SLC9A8: variants seen among roughly 807,000 people sequenced by gnomAD.
The protein encoded by SLC9A8 is solute carrier family 9 member A8, also known as sodium/hydrogen exchanger 8.
Under a neutral mutation model 66.6 loss-of-function variants are expected in SLC9A8, and 48 were observed. The ratio of observed to expected loss-of-function variants is 0.72; its 90% CI spans 0.57 to 0.92. SLC9A8 has a LOEUF of 0.92. SLC9A8 is among the 40% of genes least tolerant of loss of function. The pLI is 0.00. For missense variants in SLC9A8, 599 were observed against 747.3 expected, an observed-to-expected ratio of 0.80 and a Z score of 2.31; for synonymous variants, 274 against 282.6, an observed-to-expected ratio of 0.97 and a Z score of 0.31.
At chr20:49,853,526 G>A (rs1310077440) in intron 7 of SLC9A8, among the ~76,000 whole-genome samples, 5 of 152,240 alleles carry the variant, frequency 3.3e-5, no homozygotes, top group African/African-American at 1.2e-4. Flanking sequence ...AAATAAAAGA[G>A]CGACCAGAAG....
intron 4 of SLC9A8, 24 bp from the exon 5 acceptor site, chr20:49,845,012 A>C (rs758822274): frequency 3.9e-6 from 6 of 1,535,192 alleles, no homozygotes; most frequent in Non-Finnish European, 5.4e-6. Flanking sequence ...CCATGCCCTT[A>C]AGATACTCAT....
intron 3 of SLC9A8, chr20:49,830,751 A>C: frequency 4.0e-6 from 3 of 757,610 alleles, no homozygotes; most frequent in Non-Finnish European, 7.0e-6. Context: ...GATTGTAAAC[A>C]TAGTCCAAGG....
intron 5 of SLC9A8, among the ~76,000 whole-genome samples, chr20:49,848,665 T>C (rs2088113815): frequency 6.6e-6 from 1 of 152,244 alleles, no homozygotes; most frequent in South Asian, 2.1e-4. Context: ...TGAACTTGAA[T>C]ATTTTATCTT....
intron 3 of SLC9A8, chr20:49,831,116 A>C: frequency 3.5e-6 from 2 of 573,690 alleles, no homozygotes; most frequent in East Asian, 3.3e-5. Context: ...CAGCCCTCTA[A>C]TCTCTCCGCT....
At chr20:49,821,874 T>G (rs1271019614) in intron 2 of SLC9A8, among the ~76,000 whole-genome samples, 1 of 152,150 alleles carries the variant, frequency 6.6e-6, no homozygotes, top group Non-Finnish European at 1.5e-5. Flanking sequence ...AAGTTAGACA[T>G]TATTCTGTTT....
chr20:49,853,924 C>T (rs2088356536), intron 7 of SLC9A8, among the ~76,000 whole-genome samples: 1 of 152,228 alleles, frequency 6.6e-6, no homozygotes, highest in African/African-American at 2.4e-5. Context: ...CTGTACCTGG[C>T]AAGGCAGCCA....
At chr20:49,828,703 G>T (rs1410006414) in intron 3 of SLC9A8, among the ~76,000 whole-genome samples, 1 of 151,734 alleles carries the variant, frequency 6.6e-6, no homozygotes, top group Non-Finnish European at 1.5e-5. Context: ...CCCAAGCATG[G>T]TGGCATATAT....
intron 3 of SLC9A8, chr20:49,830,473 G>T: frequency 1.2e-6 from 1 of 806,338 alleles, no homozygotes. Flanking sequence ...ATGCTGCAAG[G>T]GATCTGCCCT....
chr20:49,840,766 T>C (rs916009761), intron 4 of SLC9A8, among the ~76,000 whole-genome samples: 1 of 152,120 alleles, frequency 6.6e-6, no homozygotes, highest in African/African-American at 2.4e-5. Flanking sequence ...AGGCTGGATA[T>C]AGCCTGATGT....
chr20:49,863,263 T>C (rs897334031), intron 9 of SLC9A8, among the ~76,000 whole-genome samples, 196 bp downstream of exon 9: 2 of 152,250 alleles, frequency 1.3e-5, no homozygotes, highest in African/African-American at 4.8e-5. Flanking sequence ...ATTTAGGATG[T>C]CACTTTTCAA....
At chr20:49,845,819 T>C (rs1471341078) in intron 5 of SLC9A8, among the ~76,000 whole-genome samples, 2 of 152,004 alleles carry the variant, frequency 1.3e-5, no homozygotes, top group African/African-American at 4.8e-5. Flanking sequence ...CAACTCCCAG[T>C]GTGAGATGTT....
chr20:49,834,301 A>G (rs6125783), intron 3 of SLC9A8, among the ~76,000 whole-genome samples: 2 of 137,264 alleles, frequency 1.5e-5, no homozygotes, highest in African/African-American at 5.4e-5. Context: ...TACACACACT[A>G]TATATACAGT....
chr20:49,862,281 A>G (rs968153517), intron 8 of SLC9A8, among the ~76,000 whole-genome samples: 27 of 150,786 alleles, frequency 1.8e-4, no homozygotes, highest in Middle Eastern at 3.4e-3. Flanking sequence ...TATTTTTTTG[A>G]GACAGAGTCT....
intron 12 of SLC9A8, among the ~76,000 whole-genome samples, chr20:49,880,445 G>C (rs1019991947): frequency 6.6e-6 from 1 of 152,110 alleles, no homozygotes; most frequent in African/African-American, 2.4e-5. Flanking sequence ...GTGTTTCCAT[G>C]CATGGGAGGT....
chr20:49,857,697 G>A (rs749683123), intron 8 of SLC9A8, among the ~76,000 whole-genome samples: 7 of 152,160 alleles, frequency 4.6e-5, no homozygotes, highest in African/African-American at 1.2e-4. Flanking sequence ...CAGCCCGGGC[G>A]TCAGAGTGAG....
intron 13 of SLC9A8, among the ~76,000 whole-genome samples, 162 bp from the exon 14 acceptor site, chr20:49,883,684 C>T (rs1255624589): frequency 6.6e-6 from 1 of 152,194 alleles, no homozygotes; most frequent in Non-Finnish European, 1.5e-5. Flanking sequence ...GCCACCTGCT[C>T]TTTACACCCC....
intron 3 of SLC9A8, among the ~76,000 whole-genome samples, chr20:49,834,185 C>CTATATATATATATA (rs377091649): frequency 2.9e-5 from 1 of 34,542 alleles, no homozygotes; most frequent in African/African-American, 1.1e-4. Context: ...CTCTCTCTCT[C>CTATATATATATATA]TATATATATA....
chr20:49,812,953 G>C lies in SLC9A8; in HGVS notation c.26+5G>C, dbSNP rs1209670199. ...GGAGAAGATGGCGGAAGAGGAGTGA[G>C]TGGGCTTTTTCCCGGGCGGCGGAGG... On this transcript the variant is annotated splice_donor_5th_base_variant and intron_variant, in intron 1 of 15. Transcript: ENST00000361573. The C allele has an allele frequency of 7.0e-7, 1 of 1,429,978 alleles. No individual in the cohort carries two copies. Among genetic ancestry groups the C allele is most frequent in the South Asian group, 1.4e-5 (1 of 72,476 alleles). The allele number at this position is 1,429,978 out of a possible 1,614,324, so 88.6% of individuals were successfully genotyped here.
At chr20:49,883,753 C>T (rs548887355) in intron 13 of SLC9A8, 93 bp from the exon 14 acceptor site, 29 of 964,400 alleles carry the variant, frequency 3.0e-5, no homozygotes, top group Non-Finnish European at 4.3e-5. Flanking sequence ...GTCAGCTGGT[C>T]GTGGTGCTGG....
Sources: allele counts gnomAD v4.1 joint callset (sites outside exome capture counted in the v4.1 genomes callset), GRCh38; gene constraint gnomAD v4.1.1; transcripts MANE v1.5; gene names NCBI Gene and HGNC (gene_info 2026-07-23, HGNC 2026-07-21).